The following OPRM1 variants were observed in gnomAD, a reference collection of about 807,000 sequenced individuals.
The protein encoded by OPRM1 is mu-type opioid receptor.
In OPRM1, 27 loss-of-function variants were observed where a neutral mutation model predicts 31.8. The observed-to-expected ratio is 0.85, with a 90% CI of 0.63 to 1.17. OPRM1 has a LOEUF of 1.17. Ranked by LOEUF, OPRM1 falls within the 50% of genes most tolerant of loss-of-function variation. The pLI is 0.00. For missense variants in OPRM1, 536 were observed against 511.1 expected, an observed-to-expected ratio of 1.05 and a Z score of -0.47; for synonymous variants, 196 against 189.9, an observed-to-expected ratio of 1.03 and a Z score of -0.26.
intron 3 of OPRM1, among the ~76,000 whole-genome samples, chr6:154,173,303 C>T (rs574944485): frequency 6.6e-6 from 1 of 152,240 alleles, no homozygotes; most frequent in South Asian, 2.1e-4. Context: ...GGGAACAAAA[C>T]TGGATGGAGA....
rs985871456 is a variant in OPRM1 at position 154,186,596 on chromosome 6, G to A, written c.1165-60097G>A. ...TTTTGAGACGGAGTCTCGCTTTGTC[G>A]CCCAGGCTGGAGTGCAGTGGTGCGA... On this transcript the variant is annotated intron_variant, in intron 3 of 3. Transcript: ENST00000337049. 6.6e-5 allele frequency among the ~76,000 whole-genome samples: 10 copies of A among 151,198 alleles called. No homozygotes were observed. The Middle Eastern group carries it at 0.01, about 154-fold the overall frequency.
intron 3 of OPRM1, among the ~76,000 whole-genome samples, chr6:154,209,691 T>C (rs1450922614): frequency 1.3e-5 from 2 of 151,964 alleles, no homozygotes; most frequent in South Asian, 2.1e-4. Context: ...ATTTCATCTG[T>C]TTAAATAAAA....
rs924595917 is a variant in OPRM1, at chr6:154,109,081, C to T, written c.1165-9602C>T. 3 of 973,302 alleles carry T rather than the reference C, an allele frequency of 3.1e-6. No individual in the cohort carries two copies. In the African/African-American group the frequency reaches 5.3e-5, roughly 17 times the overall value. The allele number at this position is 973,302 out of a possible 1,614,324, so 60.3% of individuals were successfully genotyped here. Reference sequence around the variant, plus strand: ...TCTAGAACCAAAGAAATGTTAGCCTCACTCTAATAGACAATACACTTCAGG... The same window carrying T: ...TCTAGAACCAAAGAAATGTTAGCCTTACTCTAATAGACAATACACTTCAGG... On this transcript the variant is annotated intron_variant, in intron 3 of 3. Transcript: ENST00000330432.
chr6:154,228,149 T>G (rs1397163166), intron 3 of OPRM1, among the ~76,000 whole-genome samples: 2 of 152,040 alleles, frequency 1.3e-5, no homozygotes, highest in Non-Finnish European at 2.9e-5. Flanking sequence ...TCCTTCTTCT[T>G]CAATTCCTAA....
chr6:154,021,848 T>C (rs1217120834), intron 1 of OPRM1, among the ~76,000 whole-genome samples: 2 of 151,678 alleles, frequency 1.3e-5, no homozygotes, highest in African/African-American at 4.8e-5. Context: ...GGGTTTTCTC[T>C]TTTTTTTGGT....
intron 1 of OPRM1, among the ~76,000 whole-genome samples, chr6:154,077,449 G>A (rs1418915919): frequency 6.6e-6 from 1 of 150,448 alleles, no homozygotes; most frequent in East Asian, 2.1e-4. Flanking sequence ...AACAAAATAA[G>A]GCCGTGTATG....
chr6:154,197,726 C>G (rs1319151010), intron 3 of OPRM1, among the ~76,000 whole-genome samples: 1 of 152,156 alleles, frequency 6.6e-6, no homozygotes, highest in Non-Finnish European at 1.5e-5. Context: ...TGGCTATGGT[C>G]CTAAAAGAAA....
chr6:154,084,522 A>T (rs976951576), intron 1 of OPRM1, among the ~76,000 whole-genome samples: 1 of 152,102 alleles, frequency 6.6e-6, no homozygotes, highest in African/African-American at 2.4e-5. Context: ...TACTCATTTG[A>T]CCATATTCTT....
At chr6:154,239,072 C>CA (rs1372484426) in intron 3 of OPRM1, among the ~76,000 whole-genome samples, 2 of 152,042 alleles carry the variant, frequency 1.3e-5, no homozygotes, top group African/African-American at 4.8e-5. Flanking sequence ...TCAGCCATGG[C>CA]ATTCACTCTG....
rs1209059118 is a variant in OPRM1, at chr6:154,090,107, T to G, written c.572T>G (p.Val191Gly). ...RTPRNAKIIN[V>G]CNWILSSAIG... Reference sequence around the variant, plus strand: ...CCCCGAAATGCCAAAATTATCAATGTCTGCAACTGGATCCTCTCTTCAGCC... The same window carrying G: ...CCCCGAAATGCCAAAATTATCAATGGCTGCAACTGGATCCTCTCTTCAGCC... The change falls in exon 2 of 4, where the codon GTC (valine) becomes GGC (glycine). Residue 191 changes from valine to glycine, a missense_variant. By Grantham distance (109) the Val-to-Gly change is moderately radical. Transcript: ENST00000330432. 4 of 1,614,164 alleles carry G rather than the reference T, an allele frequency of 2.5e-6. No homozygotes were observed. The highest frequency in any genetic ancestry group is 3.4e-6 in the Non-Finnish European group (4 of 1,180,012).
At chr6:154,094,808 C>T (rs936522832) in intron 3 of OPRM1, among the ~76,000 whole-genome samples, 1 of 152,202 alleles carries the variant, frequency 6.6e-6, no homozygotes, top group African/African-American at 2.4e-5. Flanking sequence ...AAATTAGACT[C>T]CATCTCTTGC....
chr6:154,217,718 A>C (rs190047090), intron 3 of OPRM1, among the ~76,000 whole-genome samples: 770 of 152,336 alleles, frequency 5.1e-3, no homozygotes, highest in Non-Finnish European at 8.8e-3. Context: ...TTCACTTTTT[A>C]AAATACCACA....
intron 1 of OPRM1, among the ~76,000 whole-genome samples, chr6:154,080,545 C>A (rs957554712): frequency 1.4e-4 from 22 of 152,340 alleles, no homozygotes; most frequent in African/African-American, 5.1e-4. Context: ...ACGTAGCCTG[C>A]AAAGTGCATT....
chr6:154,149,081 C>T (rs572141556), intron 3 of OPRM1, among the ~76,000 whole-genome samples: 21 of 152,278 alleles, frequency 1.4e-4, no homozygotes, highest in African/African-American at 4.8e-4. Flanking sequence ...TATCTTATCT[C>T]AGGGTGTATT....
intron 1 of OPRM1, among the ~76,000 whole-genome samples, chr6:154,031,844 G>A (rs547695548): frequency 1.3e-5 from 2 of 151,032 alleles, no homozygotes; most frequent in South Asian, 4.1e-4. Context: ...GCAAGTACAG[G>A]GAATTATAAG....
chr6:154,168,777 T>C lies in OPRM1; in HGVS notation c.1164+77305T>C, dbSNP rs1799638420. 6.6e-6 allele frequency among the ~76,000 whole-genome samples: 1 copy of C among 151,878 alleles called. No homozygotes were observed. The highest frequency in any genetic ancestry group is 6.6e-5 in the Admixed American group (1 of 15,250). ...CCTGCCACCATGCCCGGCTCATTTT[T>C]ATATTTTTAGTACAGACAGGGTTTC... On this transcript the variant is annotated intron_variant, in intron 3 of 3. Transcript: ENST00000337049. The surrounding 1 kb of genome is among the most constrained non-coding windows in gnomAD (Gnocchi z 4.1).
chr6:154,076,414 T>C (rs941447290), intron 1 of OPRM1, among the ~76,000 whole-genome samples: 1 of 152,178 alleles, frequency 6.6e-6, no homozygotes, highest in Non-Finnish European at 1.5e-5. Flanking sequence ...AAAAATAAAT[T>C]CATAGACGAG....
intron 1 of OPRM1, among the ~76,000 whole-genome samples, chr6:154,076,883 T>G (rs1415646948): frequency 6.6e-6 from 1 of 152,232 alleles, no homozygotes; most frequent in African/African-American, 2.4e-5. Flanking sequence ...CAACAAATAT[T>G]TATTTTGTTC....
chr6:154,050,826 G>A (rs1450843646), intron 1 of OPRM1, among the ~76,000 whole-genome samples: 1 of 152,068 alleles, frequency 6.6e-6, no homozygotes, highest in Non-Finnish European at 1.5e-5. Context: ...CTCATGACAT[G>A]TTTATTTCAC....
Sources: allele counts gnomAD v4.1 joint callset (sites outside exome capture counted in the v4.1 genomes callset), GRCh38; gene constraint gnomAD v4.1.1; non-coding constraint Gnocchi (gnomAD v3.1); transcripts MANE v1.5; gene names NCBI Gene and HGNC (gene_info 2026-07-23, HGNC 2026-07-21).